CACNA1C: variants seen among roughly 807,000 people sequenced by gnomAD.
The protein encoded by CACNA1C is calcium voltage-gated channel subunit alpha1 C, also known as voltage-dependent L-type calcium channel subunit alpha-1C.
In CACNA1C, 30 loss-of-function variants were observed where a neutral mutation model predicts 229.0. The observed-to-expected ratio is 0.13, with a 90% CI of 0.10 to 0.18. The LOEUF (loss-of-function observed/expected upper bound fraction) is 0.18, where lower values mean the gene tolerates loss of function less well. Among genes scored for constraint, CACNA1C ranks in the 10% least tolerant of loss-of-function variants. CACNA1C has a pLI of 1.00. For synonymous variants in CACNA1C, 1,114 were observed against 1,132.5 expected (o/e 0.98, Z 0.33); for missense variants, 1,658 against 2,845.0 (o/e 0.58, Z 9.49).
At chr12:2,685,062 G>A (rs2097373956) in intron 43 of CACNA1C, among the ~76,000 whole-genome samples, 2 of 152,186 alleles carry the variant, frequency 1.3e-5, no homozygotes, top group Non-Finnish European at 2.9e-5. Context: ...AAAGTGGACT[G>A]GGACTCACCA....
At chr12:2,376,317 G>C (rs540048116) in intron 3 of CACNA1C, among the ~76,000 whole-genome samples, 1 of 152,310 alleles carries the variant, frequency 6.6e-6, no homozygotes, top group East Asian at 1.9e-4. Context: ...TGTATGTGAG[G>C]ACAAGCGCCC....
At position 2,692,567 on chromosome 12, in the gene CACNA1C, T is replaced by A. The variant is rs1431155147; in HGVS notation, c.*1368T>A. 6.6e-6 allele frequency: 1 copy of A among 152,664 alleles called. No homozygotes were observed. The highest frequency in any genetic ancestry group is 1.5e-5 in the Non-Finnish European group (1 of 68,048). The allele number at this position is 152,664 out of a possible 1,614,324, so 9.5% of individuals were successfully genotyped here. On this transcript the variant is annotated 3_prime_UTR_variant, in exon 47 of 47. Coordinates refer to ENST00000399655, the MANE Select transcript of CACNA1C (RefSeq NM_000719.7). ...TGCTTCTGAAACGGGAATCAGTAAC[T>A]CTTTGCATTTTCTGTCCCACAAGAT...
At chr12:2,634,260 T>C in intron 29 of CACNA1C, 37 bp from the exon 30 acceptor site, 1 of 1,091,592 alleles carries the variant, frequency 9.2e-7, no homozygotes, top group South Asian at 1.7e-5. Flanking sequence ...TTGTTGGTTC[T>C]TCTTCTCTCT....
intron 9 of CACNA1C, among the ~76,000 whole-genome samples, chr12:2,526,642 T>C (rs2099818934): frequency 6.6e-6 from 1 of 152,146 alleles, no homozygotes; most frequent in South Asian, 2.1e-4. Flanking sequence ...TCATCCCTCC[T>C]CAAAGGAAAT....
intron 3 of CACNA1C, among the ~76,000 whole-genome samples, chr12:2,178,144 C>A (rs1418034207): frequency 1.3e-5 from 2 of 152,224 alleles, no homozygotes; most frequent in Non-Finnish European, 2.9e-5. Flanking sequence ...TAGGAATGGA[C>A]TCTTTGCCTC....
rs542498224 is a variant in CACNA1C, at chr12:2,450,282, C to T, written c.617+1167C>T. On this transcript the variant is annotated intron_variant, in intron 4 of 46. Transcript: ENST00000399655. The stretch of plus-strand genomic sequence containing the variant: ...ATTAAAATGCAGGTGAGGTCAGGCG[C>T]GGTGGCTCACACCTGTAATCCCAGC... Among the ~76,000 whole-genome samples the T allele has an allele frequency of 4.7e-4, 72 of 152,220 alleles. 1 individual carries two copies. Among genetic ancestry groups the T allele is most frequent in the Middle Eastern group, 6.8e-3 (2 of 294 alleles).
intron 5 of CACNA1C, among the ~76,000 whole-genome samples, 160 bp from the exon 6 acceptor site, chr12:2,485,944 C>T (rs1483405805): frequency 6.6e-6 from 1 of 152,230 alleles, no homozygotes; most frequent in Non-Finnish European, 1.5e-5. Context: ...TAGACCCCTG[C>T]ACCATCAGTC....
intron 3 of CACNA1C, among the ~76,000 whole-genome samples, chr12:2,276,955 C>G (rs1480927277): frequency 6.6e-6 from 1 of 152,064 alleles, no homozygotes; most frequent in East Asian, 1.9e-4. Flanking sequence ...ATAAAACTAC[C>G]TGGAGCATGA....
chr12:2,513,983 A>G (rs927827694), intron 9 of CACNA1C, among the ~76,000 whole-genome samples: 2 of 152,160 alleles, frequency 1.3e-5, no homozygotes, highest in African/African-American at 4.8e-5. Context: ...TGTGTGTGAT[A>G]TCTTTCTCTT....
In CACNA1C at chr12:2,597,215, C is replaced by A. The variant is rs1026671154; in HGVS notation, c.2794-15C>A. On this transcript the variant is annotated splice_polypyrimidine_tract_variant and intron_variant, in intron 20 of 46. Coordinates refer to ENST00000399655, the MANE Select transcript of CACNA1C (RefSeq NM_000719.7). The surrounding 1 kb of genome is among the most constrained non-coding windows in gnomAD (Gnocchi z 4.3). ...TCCCCATCCCATCCCCACCCTGTTC[C>A]TTTTTGTTTTGCAGATTCTGTTTTA... 4.4e-6 allele frequency: 7 copies of A among 1,589,818 alleles called. No individual in the cohort carries two copies. The Admixed American group carries it at 5.0e-5, about 11-fold the overall frequency.
chr12:2,100,682 A>G (rs927613934), intron 1 of CACNA1C, among the ~76,000 whole-genome samples: 1 of 151,312 alleles, frequency 6.6e-6, no homozygotes, highest in Non-Finnish European at 1.5e-5. Context: ...GCTTGAGCCC[A>G]GGGAGGTTGA....
At chr12:2,094,133 G>A (rs1356974389) in intron 1 of CACNA1C, among the ~76,000 whole-genome samples, 3 of 152,228 alleles carry the variant, frequency 2.0e-5, no homozygotes, top group Non-Finnish European at 4.4e-5. Context: ...AGGCAGGAAG[G>A]CTGCCAAAGA....
intron 1 of CACNA1C, among the ~76,000 whole-genome samples, chr12:2,015,099 T>G (rs1376697184): frequency 6.6e-6 from 1 of 152,176 alleles, no homozygotes; most frequent in Admixed American, 6.5e-5. Context: ...CCCATCCCTC[T>G]GAGGCAGGGC....
chr12:2,649,185 C>A lies in CACNA1C; in HGVS notation c.3945+678C>A, dbSNP rs2094654657. Among the ~76,000 whole-genome samples, 1 of 152,200 alleles carries A rather than the reference C, an allele frequency of 6.6e-6. No individual in the cohort carries two copies. The highest frequency in any genetic ancestry group is 1.5e-5 in the Non-Finnish European group (1 of 68,036). On this transcript the variant is annotated intron_variant, in intron 31 of 46. Coordinates refer to ENST00000399655, the MANE Select transcript of CACNA1C (RefSeq NM_000719.7). This position sits in a 1 kb window ranked among gnomAD's most constrained non-coding sequence, Gnocchi z 4.4. ...AACAAGCTCCGTTGATTGGACCACT[C>A]CTGTTGTAGGAGTCTCTGATTCGCG...
intron 3 of CACNA1C, among the ~76,000 whole-genome samples, chr12:2,265,505 A>G (rs977971742): frequency 6.6e-5 from 10 of 152,076 alleles, no homozygotes; most frequent in Admixed American, 4.6e-4. Flanking sequence ...GGACTCCTGT[A>G]CCCTATCTCA....
chr12:2,082,245 T>C (rs1333105755), intron 1 of CACNA1C, among the ~76,000 whole-genome samples: 1 of 152,220 alleles, frequency 6.6e-6, no homozygotes, highest in Admixed American at 6.5e-5. Context: ...CCACAGTGTC[T>C]GCCCCTCACT....
chr12:2,652,199 G>A (rs539410458), intron 32 of CACNA1C, among the ~76,000 whole-genome samples: 134 of 152,276 alleles, frequency 8.8e-4, no homozygotes, highest in Non-Finnish European at 1.5e-3. Flanking sequence ...CCCCGTAGGC[G>A]TTTCAGCAGC....
chr12:2,041,265 G>GTAT lies in CACNA1C; in HGVS notation c.139+70066_139+70068dup, dbSNP rs1289990125. On this transcript the variant is annotated intron_variant, in intron 1 of 46. Coordinates refer to the CACNA1C transcript ENST00000682462. ...TGTGTGGGTCACAGTGATGCTAAGG[G>GTAT]TATTCTTTTTTTTTTTTTTTTTTTT... Among the ~76,000 whole-genome samples the GTAT allele has an allele frequency of 2.5e-3, 308 of 125,026 alleles. 3 individuals carry two copies. The highest frequency in any genetic ancestry group is 0.011 in the African/African-American group (297 of 28,216). 82.0% of individuals were successfully genotyped at this position (125,026 alleles called of 152,430 possible).
chr12:2,620,890 T>A (rs1232800842), intron 29 of CACNA1C, among the ~76,000 whole-genome samples: 1 of 152,198 alleles, frequency 6.6e-6, no homozygotes, highest in Non-Finnish European at 1.5e-5. Flanking sequence ...CATGAATGGA[T>A]GAATGAGAAT....
Sources: allele counts gnomAD v4.1 joint callset (sites outside exome capture counted in the v4.1 genomes callset), GRCh38; gene constraint gnomAD v4.1.1; non-coding constraint Gnocchi (gnomAD v3.1); transcripts MANE v1.5; gene names NCBI Gene and HGNC (gene_info 2026-07-23, HGNC 2026-07-21).